TPD52L2: variants seen among roughly 807,000 people sequenced by gnomAD.
TPD52L2 encodes tumor protein D54.
TPD52L2 carries 19 observed loss-of-function variants against 24.7 expected under a neutral mutation model. That is an observed-to-expected ratio of 0.77 (90% CI 0.54 to 1.13). The LOEUF (loss-of-function observed/expected upper bound fraction) is 1.13. Ranked by LOEUF, TPD52L2 falls within the 50% of genes most tolerant of loss-of-function variation. The pLI is 0.00. For synonymous variants in TPD52L2, 104 were observed against 100.2 expected (o/e 1.04, Z -0.23); for missense variants, 236 against 250.4 (o/e 0.94, Z 0.39).
intron 5 of TPD52L2, chr20:63,886,106 G>A (rs1034231027): frequency 8.4e-6 from 13 of 1,547,828 alleles, no homozygotes; most frequent in African/African-American, 4.1e-5. Context: ...GGTGGACTCC[G>A]GCAGGGCCCT....
chr20:63,866,051 C>G (rs1393550771), intron 1 of TPD52L2, among the ~76,000 whole-genome samples: 1 of 152,230 alleles, frequency 6.6e-6, no homozygotes, highest in Non-Finnish European at 1.5e-5. Context: ...TGATAAAAGT[C>G]TGCCTTGCAT....
In TPD52L2 at chr20:63,887,557, C is replaced by CA. The variant is rs1568962581; in HGVS notation, c.477-1631dup. The CA allele has an allele frequency of 4.3e-6, 7 of 1,613,296 alleles. No homozygotes were observed. In the South Asian group the frequency reaches 7.7e-5, roughly 18 times the overall value. ...TCCTTCTCTGCTTCTGCCATGCTTC[C>CA]AAGCAGCAGCTACTCCATCCGCCAC... On this transcript the variant is annotated intron_variant, in intron 5 of 6. Coordinates refer to ENST00000346249, the MANE Select transcript of TPD52L2 (RefSeq NM_003288.4).
chr20:63,883,562 C>T (rs2052980474), intron 5 of TPD52L2, among the ~76,000 whole-genome samples: 1 of 152,174 alleles, frequency 6.6e-6, no homozygotes, highest in African/African-American at 2.4e-5. Flanking sequence ...TTGTCACCAT[C>T]AACAGCATCC....
intron 1 of TPD52L2, among the ~76,000 whole-genome samples, chr20:63,866,712 G>A (rs1422232242): frequency 4.0e-5 from 6 of 149,566 alleles, no homozygotes; most frequent in Non-Finnish European, 8.9e-5. Flanking sequence ...GCTTACCTCG[G>A]CCTCCCAAAG....
At chr20:63,869,526 TC>T in intron 2 of TPD52L2, 85 bp downstream of exon 2, 2 of 1,550,426 alleles carry the variant, frequency 1.3e-6, no homozygotes, top group Non-Finnish European at 1.8e-6. Context: ...CTGGCCACGC[TC>T]GGGAGGAATT....
chr20:63,868,108 T>A (rs974081650), intron 1 of TPD52L2, among the ~76,000 whole-genome samples: 5 of 152,180 alleles, frequency 3.3e-5, no homozygotes, highest in Non-Finnish European at 7.4e-5. Flanking sequence ...AGACGGGGTT[T>A]CACCATTTTG....
chr20:63,870,583 G>C (rs2052425032), intron 2 of TPD52L2, among the ~76,000 whole-genome samples: 2 of 146,784 alleles, frequency 1.4e-5, no homozygotes, highest in South Asian at 4.4e-4. Context: ...GAGTGCAGTG[G>C]CGCAATCTCG....
At position 63,890,172 on chromosome 20, in the gene TPD52L2, T is replaced by C; in HGVS notation, c.*227T>C. ...CACGTTTGTAGATGAAACAGATCACTGTGCTGTCCTTCCTAGGGGTGCAGG... is the reference window on the plus strand; with the variant it reads ...CACGTTTGTAGATGAAACAGATCACCGTGCTGTCCTTCCTAGGGGTGCAGG... On this transcript the variant is annotated 3_prime_UTR_variant, in exon 7 of 7. Transcript: ENST00000346249. The C allele has an allele frequency of 2.0e-6, 2 of 1,018,158 alleles. No homozygotes were observed. Among genetic ancestry groups the C allele is most frequent in the South Asian group, 1.7e-5 (1 of 59,838 alleles). The allele number at this position is 1,018,158 out of a possible 1,614,324, so 63.1% of individuals were successfully genotyped here. A position where few individuals can be genotyped will look rare whatever the true frequency, so the allele number is the denominator to read the frequency against.
intron 5 of TPD52L2, among the ~76,000 whole-genome samples, chr20:63,886,388 T>G (rs1032543732): frequency 7.3e-5 from 11 of 150,428 alleles, no homozygotes; most frequent in Admixed American, 1.3e-4. Context: ...TTAGACGGAG[T>G]CTTGCTCTGT....
chr20:63,876,313 C>T (rs971513695), intron 4 of TPD52L2, among the ~76,000 whole-genome samples: 7 of 152,162 alleles, frequency 4.6e-5, no homozygotes, highest in Non-Finnish European at 1.0e-4. Flanking sequence ...TTCCTTTCCT[C>T]CTTTAGGGGT....
In TPD52L2 at chr20:63,869,350, T is replaced by A; in HGVS notation, c.74T>A (p.Val25Asp). The A allele has an allele frequency of 6.2e-7, 1 of 1,614,208 alleles. No individual in the cohort carries two copies. Among genetic ancestry groups the A allele is most frequent in the Non-Finnish European group, 8.5e-7 (1 of 1,180,044 alleles). ...KGLLSDSMTD[V>D]PVDTGVAART... ...CTGCTGTCTGACTCCATGACGGATGTTCCTGTCGACACAGGTGTGGCTGCC... is the reference window on the plus strand; with the variant it reads ...CTGCTGTCTGACTCCATGACGGATGATCCTGTCGACACAGGTGTGGCTGCC... Residue 25 changes from valine (V) to aspartate (D), a missense_variant, in exon 2 of 7, where the codon GTT (valine) becomes GAT (aspartate). Transcript: ENST00000346249.
Position 63,877,688 on chromosome 20 carries a change from A to G in TPD52L2, c.374+1813A>G, listed in dbSNP as rs2052740138. On this transcript the variant is annotated intron_variant, in intron 4 of 6. Transcript: ENST00000346249. The surrounding 1 kb of genome is among the most constrained non-coding windows in gnomAD (Gnocchi z 4.1). ...TGCCGGGATCCTATTTCAAATAAAT[A>G]GTGTTTTAGAGAGCTTATTACAACA... Among the ~76,000 whole-genome samples, 1 of 152,248 alleles carries G rather than the reference A, an allele frequency of 6.6e-6. No homozygotes were observed.
chr20:63,875,938 G>T, intron 4 of TPD52L2, 63 bp downstream of exon 4: 1 of 1,536,980 alleles, frequency 6.5e-7, no homozygotes, highest in Non-Finnish European at 9.0e-7. Context: ...ACTCAGTCGG[G>T]GAAGGGGGCT....
chr20:63,865,494 C>A, intron 1 of TPD52L2, 110 bp downstream of exon 1: 1 of 1,384,036 alleles, frequency 7.2e-7, no homozygotes, highest in South Asian at 1.4e-5. Flanking sequence ...TCGGTTCACC[C>A]ACCCCGCGGC....
intron 4 of TPD52L2, among the ~76,000 whole-genome samples, chr20:63,878,831 C>T (rs376747152): frequency 9.8e-5 from 15 of 152,316 alleles, no homozygotes; most frequent in South Asian, 8.3e-4. Flanking sequence ...TGGGGTTGCC[C>T]GGCCCGGTGC....
chr20:63,875,236 C>T (rs1401856135), intron 3 of TPD52L2, among the ~76,000 whole-genome samples: 6 of 151,686 alleles, frequency 4.0e-5, no homozygotes, highest in Admixed American at 6.6e-5. Flanking sequence ...ACGACGTGGT[C>T]CTACATGACG....
chr20:63,889,511 C>T (rs1427617035), intron 6 of TPD52L2, among the ~76,000 whole-genome samples: 8 of 151,950 alleles, frequency 5.3e-5, no homozygotes, highest in African/African-American at 1.9e-4. Flanking sequence ...CTGGTCCCCA[C>T]TGCCCTTCCT....
intron 6 of TPD52L2, 68 bp from the exon 7 acceptor site, chr20:63,889,782 C>T: frequency 2.7e-6 from 4 of 1,460,122 alleles, no homozygotes; most frequent in South Asian, 2.4e-5. Context: ...TGAGCATGGG[C>T]CTGGGATCTG....
At chr20:63,889,501 C>T (rs1001076905) in intron 6 of TPD52L2, among the ~76,000 whole-genome samples, 2 of 152,060 alleles carry the variant, frequency 1.3e-5, no homozygotes, top group African/African-American at 4.8e-5. Context: ...ACTGCCCTTC[C>T]TGGTCCCCAC....
Sources: allele counts gnomAD v4.1 joint callset (sites outside exome capture counted in the v4.1 genomes callset), GRCh38; gene constraint gnomAD v4.1.1; non-coding constraint Gnocchi (gnomAD v3.1); transcripts MANE v1.5; gene names NCBI Gene and HGNC (gene_info 2026-07-23, HGNC 2026-07-21).